The following GNB1L variants were observed in gnomAD, a reference collection of about 807,000 sequenced individuals.
GNB1L encodes the protein guanine nucleotide-binding protein subunit beta-like protein 1.
A neutral mutation model predicts 29.1 loss-of-function variants in GNB1L; 20 were observed. The observed-to-expected ratio is 0.69, with a 90% CI of 0.48 to 1.00. The LOEUF is 1.00. Among genes scored for constraint, GNB1L ranks in the 50% least tolerant of loss-of-function variants. GNB1L has a pLI of 0.00. For missense variants in GNB1L, 421 were observed against 464.9 expected (o/e 0.91, Z 0.87); for synonymous variants, 193 against 206.5 (o/e 0.93, Z 0.56).
rs1409127826 is a variant in GNB1L at position 19,851,673 on chromosome 22, G to T, written c.-21+2770C>A. The T allele has an allele frequency of 1.9e-6, 3 of 1,595,850 alleles. No homozygotes were observed. The African/African-American group carries it at 4.0e-5, about 21-fold the overall frequency. Reference sequence around the variant, plus strand: ...ACTGGCAGCTGGCTGGAGGCCAGGGGCAGGGGACAGGTAACCACAGCATGG... The same window carrying T: ...ACTGGCAGCTGGCTGGAGGCCAGGGTCAGGGGACAGGTAACCACAGCATGG... On this transcript the variant is annotated intron_variant, in intron 2 of 7. Coordinates refer to ENST00000329517, the MANE Select transcript of GNB1L (RefSeq NM_053004.3).
At chr22:19,821,730 G>A (rs1312425124) in intron 2 of GNB1L, among the ~76,000 whole-genome samples, 1 of 152,320 alleles carries the variant, frequency 6.6e-6, no homozygotes, top group East Asian at 1.9e-4. Context: ...CCCTGAGTGG[G>A]CACAGCGGCA....
intron 4 of GNB1L, among the ~76,000 whole-genome samples, chr22:19,819,171 C>T (rs1185561693): frequency 6.6e-6 from 1 of 152,236 alleles, no homozygotes; most frequent in Admixed American, 6.5e-5. Flanking sequence ...GCAGGCCCTC[C>T]AGGGCCGCAG....
chr22:19,836,220 C>T (rs1483845582), intron 2 of GNB1L, among the ~76,000 whole-genome samples: 3 of 152,094 alleles, frequency 2.0e-5, no homozygotes, highest in Non-Finnish European at 1.5e-5. Flanking sequence ...GTTATCACTA[C>T]AGACACCAGA....
rs191927113 is a variant in GNB1L at position 19,837,188 on chromosome 22, G to C, written c.-20-15813C>G. Among the ~76,000 whole-genome samples, 347 of 152,218 alleles carry C rather than the reference G, an allele frequency of 2.3e-3. 1 individual carries two copies. The highest frequency in any genetic ancestry group is 8.0e-3 in the African/African-American group (333 of 41,534). ...TCACCGTGTTAGCCAGGATGGTGTTGATCTCCTGACCTCGTGATCCACCCG... is the reference window on the plus strand; with the variant it reads ...TCACCGTGTTAGCCAGGATGGTGTTCATCTCCTGACCTCGTGATCCACCCG... On this transcript the variant is annotated intron_variant, in intron 2 of 7. Coordinates refer to ENST00000329517, the MANE Select transcript of GNB1L (RefSeq NM_053004.3).
At chr22:19,846,340 A>AC in intron 2 of GNB1L, 1 of 815,196 alleles carries the variant, frequency 1.2e-6, no homozygotes, top group Non-Finnish European at 1.5e-6. Flanking sequence ...ATGCCTTTGT[A>AC]CCCCCCAGGT....
chr22:19,848,465 A>C, intron 2 of GNB1L: 1 of 985,480 alleles, frequency 1.0e-6, no homozygotes, highest in Non-Finnish European at 1.2e-6. Context: ...AGCAGCTGGC[A>C]ACAAAGCCAC....
At chr22:19,805,510 C>T (rs1041672633) in intron 6 of GNB1L, among the ~76,000 whole-genome samples, 9 of 151,172 alleles carry the variant, frequency 6.0e-5, no homozygotes, top group Non-Finnish European at 8.9e-5. Context: ...GGGCCGGGCG[C>T]GGTGGCTCAC....
rs1212783201 is a variant in GNB1L at position 19,849,253 on chromosome 22, T to C, written c.-21+5190A>G. 6.1e-6 allele frequency: 6 copies of C among 984,996 alleles called. No homozygotes were observed. In the East Asian group the frequency reaches 3.4e-4, roughly 56 times the overall value. 61.0% of individuals were successfully genotyped at this position (984,996 alleles called of 1,614,324 possible). ...CCAGTTGTTTTACCTACAAGGTATC[T>C]GTGCCCTGAAATAACTCACACATAA... is the stretch of plus-strand genomic sequence containing the variant. On this transcript the variant is annotated intron_variant, in intron 2 of 7. Coordinates refer to ENST00000329517, the MANE Select transcript of GNB1L (RefSeq NM_053004.3).
intron 5 of GNB1L, among the ~76,000 whole-genome samples, chr22:19,811,948 C>T (rs773842126): frequency 2.0e-5 from 3 of 152,196 alleles, no homozygotes; most frequent in South Asian, 2.1e-4. Context: ...TCTCCCCTGC[C>T]GTTCCTGCCG....
At chr22:19,798,440 C>G (rs775440060) in intron 7 of GNB1L, among the ~76,000 whole-genome samples, 3 of 152,232 alleles carry the variant, frequency 2.0e-5, no homozygotes, top group Admixed American at 1.3e-4. Context: ...ATGGGCCTCA[C>G]TGGAAGCCAC....
chr22:19,833,061 GCT>G (rs1453657357), intron 2 of GNB1L, among the ~76,000 whole-genome samples: 1 of 152,228 alleles, frequency 6.6e-6, no homozygotes, highest in African/African-American at 2.4e-5. Flanking sequence ...GCCAAACTCA[GCT>G]CTCTCTGGAG....
At position 19,820,527 on chromosome 22, in the gene GNB1L, C is replaced by T. The variant is rs538092991; in HGVS notation, c.254+71G>A. 4.3e-5 allele frequency: 65 copies of T among 1,517,646 alleles called. No homozygotes were observed. The East Asian group carries it at 4.5e-4, about 11-fold the overall frequency. 94.0% of individuals were successfully genotyped at this position (1,517,646 alleles called of 1,614,324 possible). A position where few individuals can be genotyped will look rare whatever the true frequency, so the allele number is the denominator to read the frequency against. On this transcript the variant is annotated intron_variant, in intron 4 of 7. Transcript: ENST00000329517. ...CCATTCTGCCCCTCAGTGGGGGACA[C>T]CAGAGCCTCCATCAGAGAGTTCCTG... is the stretch of plus-strand genomic sequence containing the variant.
intron 2 of GNB1L, among the ~76,000 whole-genome samples, chr22:19,844,957 G>A (rs1459315061): frequency 1.3e-5 from 2 of 152,266 alleles, no homozygotes; most frequent in Non-Finnish European, 2.9e-5. Context: ...AGAGGGTGCA[G>A]GATGGGGACC....
intron 4 of GNB1L, among the ~76,000 whole-genome samples, chr22:19,812,703 C>T (rs1483523139): frequency 6.6e-6 from 1 of 152,176 alleles, no homozygotes; most frequent in Non-Finnish European, 1.5e-5. Context: ...AGCGTGGCCC[C>T]GGGGTGGGGG....
chr22:19,791,667 G>A (rs929562963), intron 7 of GNB1L, among the ~76,000 whole-genome samples: 4 of 152,312 alleles, frequency 2.6e-5, no homozygotes, highest in Middle Eastern at 3.4e-3. Context: ...GCATGCTCAC[G>A]GTGGACTCCA....
chr22:19,788,933 G>T lies in GNB1L; in HGVS notation c.760C>A (p.Pro254Thr), dbSNP rs751109323. Residue 254 changes from proline (P) to threonine (T), a missense_variant, in exon 8 of 8, where the codon CCC (proline) becomes ACC (threonine). Physicochemically the swap from Pro to Thr is conservative, Grantham distance 38. Coordinates refer to ENST00000329517, the MANE Select transcript of GNB1L (RefSeq NM_053004.3). ...QVRGTHELTN[P>T]GIAEVTIRPD... ...CGGATCGTGACCTCGGCGATCCCGG[G>T]ATTGGTGAGTTCATGAGTCCCACGC... 2 of 1,610,312 alleles carry T rather than the reference G, an allele frequency of 1.2e-6. No homozygotes were observed. The highest frequency in any genetic ancestry group is 8.5e-7 in the Non-Finnish European group (1 of 1,178,126).
intron 7 of GNB1L, among the ~76,000 whole-genome samples, chr22:19,794,253 G>A (rs1398465377): frequency 6.6e-6 from 1 of 152,154 alleles, no homozygotes; most frequent in Non-Finnish European, 1.5e-5. Context: ...TTGCCTCAAA[G>A]AAAAGGGAAA....
chr22:19,826,966 G>A (rs939433050), intron 2 of GNB1L, among the ~76,000 whole-genome samples: 31 of 152,148 alleles, frequency 2.0e-4, no homozygotes, highest in Non-Finnish European at 3.4e-4. Context: ...AAAGGAAAAC[G>A]CTGGGTAACT....
intron 2 of GNB1L, among the ~76,000 whole-genome samples, chr22:19,825,707 C>A (rs937134372): frequency 2.6e-5 from 4 of 152,096 alleles, no homozygotes; most frequent in African/African-American, 4.8e-5. Context: ...GTAATCCCTG[C>A]ACTTTGGGAG....
Sources: allele counts gnomAD v4.1 joint callset (sites outside exome capture counted in the v4.1 genomes callset), GRCh38; gene constraint gnomAD v4.1.1; transcripts MANE v1.5; gene names NCBI Gene and HGNC (gene_info 2026-07-23, HGNC 2026-07-21).